CENPC: variants seen among roughly 807,000 people sequenced by gnomAD.
CENPC encodes centromere protein C.
CENPC carries 63 observed loss-of-function variants against 112.1 expected under a neutral mutation model. The observed-to-expected ratio is 0.56, with a 90% CI of 0.46 to 0.69. The LOEUF is 0.69. Ranked by LOEUF, CENPC falls within the 30% of genes least tolerant of loss-of-function variation. The pLI is 0.00. For synonymous variants in CENPC, 333 were observed against 367.6 expected, an observed-to-expected ratio of 0.91 and a Z score of 1.08; for missense variants, 1,000 against 1,103.8, an observed-to-expected ratio of 0.91 and a Z score of 1.33.
At chr4:67,535,534 A>C (rs1206395678) in intron 4 of CENPC, among the ~76,000 whole-genome samples, 2 of 152,158 alleles carry the variant, frequency 1.3e-5, no homozygotes, top group African/African-American at 4.8e-5. Context: ...TGTCATAGAA[A>C]ACTGGTGATG....
intron 17 of CENPC, among the ~76,000 whole-genome samples, chr4:67,489,418 C>G (rs544341109): frequency 1.3e-3 from 204 of 151,162 alleles, no homozygotes; most frequent in African/African-American, 4.7e-3. Flanking sequence ...CTAGCTTAGT[C>G]CTGAGTCTAT....
At chr4:67,475,229 AGAG>A (rs1724771254) in intron 17 of CENPC, among the ~76,000 whole-genome samples, 1 of 152,256 alleles carries the variant, frequency 6.6e-6, no homozygotes. Flanking sequence ...TGCTGGAAGC[AGAG>A]AAGAAACGAA....
intron 2 of CENPC, among the ~76,000 whole-genome samples, chr4:67,542,574 C>G (rs1236019312): frequency 1.3e-5 from 2 of 152,080 alleles, no homozygotes; most frequent in Non-Finnish European, 2.9e-5. Flanking sequence ...TCCCACAAAC[C>G]AATTTAATTA....
intron 10 of CENPC, among the ~76,000 whole-genome samples, chr4:67,507,278 C>A (rs569528983): frequency 6.6e-6 from 1 of 152,126 alleles, no homozygotes; most frequent in African/African-American, 2.4e-5. Context: ...CTAAAATTGG[C>A]TTCTTTGATA....
chr4:67,478,666 A>ACACACACACACCCC (rs146500743), intron 17 of CENPC, among the ~76,000 whole-genome samples: 5 of 76,526 alleles, frequency 6.5e-5, no homozygotes, highest in African/African-American at 1.9e-4. Context: ...ACACACACAC[A>ACACACACACACCCC]CCCAAAGTAT....
intron 12 of CENPC, 200 bp downstream of exon 12, chr4:67,505,005 T>C (rs1725694788): frequency 3.6e-6 from 2 of 551,750 alleles, no homozygotes; most frequent in African/African-American, 2.0e-5. Context: ...TATTTCATTA[T>C]GTTCTACTTA....
intron 9 of CENPC, among the ~76,000 whole-genome samples, 169 bp from the exon 10 acceptor site, chr4:67,509,274 T>C (rs1158289054): frequency 1.3e-5 from 2 of 148,940 alleles, no homozygotes; most frequent in Non-Finnish European, 3.0e-5. Context: ...CTAAATTTAT[T>C]TCCAAATTAA....
At chr4:67,508,150 A>C (rs1421546055) in intron 10 of CENPC, among the ~76,000 whole-genome samples, 1 of 152,168 alleles carries the variant, frequency 6.6e-6, no homozygotes, top group Non-Finnish European at 1.5e-5. Context: ...ATTCCTAACT[A>C]TTGAAATCAC....
intron 8 of CENPC, 27 bp downstream of exon 8, chr4:67,514,047 A>T (rs763312510): frequency 1.3e-6 from 2 of 1,527,716 alleles, no homozygotes; most frequent in Non-Finnish European, 1.7e-6. Context: ...AATAATGCTC[A>T]TGGTTATATT....
intron 17 of CENPC, among the ~76,000 whole-genome samples, chr4:67,484,356 G>A (rs536318200): frequency 6.6e-6 from 1 of 152,292 alleles, no homozygotes; most frequent in East Asian, 1.9e-4. Flanking sequence ...GCTGTAATTT[G>A]TTAGAGCAGC....
chr4:67,518,061 CT>C (rs1349612981), intron 7 of CENPC, 94 bp downstream of exon 7: 5 of 665,444 alleles, frequency 7.5e-6, no homozygotes, highest in Non-Finnish European at 1.1e-5. Context: ...AATTAAATTA[CT>C]TATTTCTAAG....
At chr4:67,542,132 C>A (rs1308847559) in intron 2 of CENPC, among the ~76,000 whole-genome samples, 2 of 152,176 alleles carry the variant, frequency 1.3e-5, no homozygotes, top group Non-Finnish European at 2.9e-5. Flanking sequence ...AATTGACATG[C>A]ATCTCTAACA....
chr4:67,505,040 T>C (rs555700189), intron 12 of CENPC, 165 bp downstream of exon 12: 8 of 574,472 alleles, frequency 1.4e-5, no homozygotes, highest in South Asian at 1.2e-4. Context: ...ATTTTCTTTC[T>C]GTCTCACTTA....
At chr4:67,515,686 C>T (rs1726040110) in intron 7 of CENPC, among the ~76,000 whole-genome samples, 4 of 151,918 alleles carry the variant, frequency 2.6e-5, no homozygotes, top group Admixed American at 2.6e-4. Context: ...CAACTTATGA[C>T]AGCATGTGTG....
Position 67,506,234 on chromosome 4 carries a change from T to C in CENPC, c.2051+554A>G, listed in dbSNP as rs557757645. Among the ~76,000 whole-genome samples the C allele has an allele frequency of 1.5e-4, 23 of 152,360 alleles. 1 individual carries two copies. Among genetic ancestry groups the C allele is most frequent in the Middle Eastern group, 6.8e-3 (2 of 294 alleles). On this transcript the variant is annotated intron_variant, in intron 11 of 18. Coordinates refer to ENST00000273853, the MANE Select transcript of CENPC (RefSeq NM_001812.4). ...ATTTTAACATTATATGTCCAAATTC[T>C]TTAATACACCACCTTTCAATAGGTG... is the stretch of plus-strand genomic sequence containing the variant.
chr4:67,526,203 CA>C lies in CENPC; in HGVS notation c.331+4611del, dbSNP rs147043188. On this transcript the variant is annotated intron_variant, in intron 5 of 18. Coordinates refer to ENST00000273853, the MANE Select transcript of CENPC (RefSeq NM_001812.4). ...GGAAAGGGAAGGGAGAGCATTAGGACAAACACCTAACTCATGTGGGGCTTAA... is the reference window on the plus strand; with the variant it reads ...GGAAAGGGAAGGGAGAGCATTAGGACAACACCTAACTCATGTGGGGCTTAA... Among the ~76,000 whole-genome samples, 245 of 151,974 alleles carry C rather than the reference CA, an allele frequency of 1.6e-3. 9 individuals are homozygous for C. The East Asian group carries it at 0.043, about 27-fold the overall frequency.
chr4:67,533,061 A>C (rs1726605873), intron 4 of CENPC, among the ~76,000 whole-genome samples: 1 of 152,152 alleles, frequency 6.6e-6, no homozygotes, highest in African/African-American at 2.4e-5. Context: ...GTAGAGAAAT[A>C]AATAAATGAC....
At chr4:67,534,417 AG>A (rs1239474062) in intron 4 of CENPC, among the ~76,000 whole-genome samples, 7 of 152,188 alleles carry the variant, frequency 4.6e-5, no homozygotes, top group Non-Finnish European at 8.8e-5. Context: ...AAAAAAAAGA[AG>A]GTAGTAAAAC....
In CENPC at chr4:67,514,237, A is replaced by G; in HGVS notation, c.1281T>C (p.Ala427=). 1 of 1,612,962 alleles carries G rather than the reference A, an allele frequency of 6.2e-7. No homozygotes were observed. The highest frequency in any genetic ancestry group is 8.5e-7 in the Non-Finnish European group (1 of 1,179,432). ...IKQKQRRKFM[A]KPAEEQLDVG... is the part of the protein sequence containing the mutation. ...CATCAAGCTGTTCTTCAGCTGGTTTAGCCATGAATTTTCTTCTCTGTTTTT... is the reference window on the plus strand; with the variant it reads ...CATCAAGCTGTTCTTCAGCTGGTTTGGCCATGAATTTTCTTCTCTGTTTTT... Residue 427 remains alanine (A), a synonymous_variant, in exon 8 of 19, where the codon GCT becomes GCC. Transcript: ENST00000273853.
Sources: gnomAD v4.1 joint callset for allele counts (sites outside exome capture counted in the v4.1 genomes callset) on GRCh38, gnomAD v4.1.1 for gene constraint, MANE v1.5 for transcripts, NCBI Gene and HGNC (gene_info 2026-07-23, HGNC 2026-07-21) for gene names.